RAPGEF6: variants seen among roughly 807,000 people sequenced by gnomAD.
The protein encoded by RAPGEF6 is PDZ domain containing guanine nucleotide exchange factor (GEF) 2.
In RAPGEF6, 56 loss-of-function variants were observed where a neutral mutation model predicts 171.4. The ratio of observed to expected loss-of-function variants is 0.33; its 90% CI spans 0.26 to 0.41. The LOEUF (loss-of-function observed/expected upper bound fraction) is 0.41. Among genes scored for constraint, RAPGEF6 ranks in the 10% least tolerant of loss-of-function variants. The pLI is 1.00. For missense variants in RAPGEF6, 1,674 were observed against 1,921.4 expected (o/e 0.87, Z 2.41); for synonymous variants, 692 against 650.1 (o/e 1.06, Z -0.98).
chr5:131,552,109 G>A (rs1049338310), intron 5 of RAPGEF6, among the ~76,000 whole-genome samples: 1 of 151,978 alleles, frequency 6.6e-6, no homozygotes, highest in African/African-American at 2.4e-5. Context: ...ATGTTTGTAG[G>A]GAGTGAAATA....
At chr5:131,623,049 T>C (rs1366391606) in intron 1 of RAPGEF6, among the ~76,000 whole-genome samples, 1 of 152,186 alleles carries the variant, frequency 6.6e-6, no homozygotes, top group East Asian at 1.9e-4. Context: ...TAACCAAAAA[T>C]ACCTAGTTCT....
Position 131,472,622 on chromosome 5 carries a change from G to C in RAPGEF6, c.2204C>G (p.Pro735Arg), listed in dbSNP as rs768955207. 6.2e-7 allele frequency: 1 copy of C among 1,614,102 alleles called. No homozygotes were observed. The highest frequency in any genetic ancestry group is 1.1e-5 in the South Asian group (1 of 91,080). The change falls in exon 17 of 28, where the codon CCT (proline) becomes CGT (arginine). Residue 735 changes from proline (P) to arginine (R), a missense_variant. Transcript: ENST00000509018. ...LSSSSPDLLQ[P>R]TTSMLDFSNP... ...GGAAAAATCCAACATACTGGTGGTA[G>C]GCTGCAGGAGATCAGGGCTGCTGGA... is the stretch of plus-strand genomic sequence containing the variant.
At chr5:131,623,291 T>C (rs1394669034) in intron 1 of RAPGEF6, among the ~76,000 whole-genome samples, 2 of 152,196 alleles carry the variant, frequency 1.3e-5, no homozygotes, top group Non-Finnish European at 2.9e-5. Context: ...TCCATCTGAA[T>C]TGTCTCTCAA....
intron 6 of RAPGEF6, among the ~76,000 whole-genome samples, chr5:131,527,869 G>C (rs1758996174): frequency 6.6e-6 from 1 of 151,088 alleles, no homozygotes; most frequent in Non-Finnish European, 1.5e-5. Flanking sequence ...CAAAAAATTA[G>C]CCGGGCATGG....
At chr5:131,582,952 G>C (rs1246571209) in intron 4 of RAPGEF6, among the ~76,000 whole-genome samples, 1 of 152,174 alleles carries the variant, frequency 6.6e-6, no homozygotes, top group Non-Finnish European at 1.5e-5. Flanking sequence ...ATGAAAGTAT[G>C]TATTCACATA....
chr5:131,438,724 T>A (rs896765246), intron 24 of RAPGEF6, among the ~76,000 whole-genome samples: 1 of 152,164 alleles, frequency 6.6e-6, no homozygotes, highest in Admixed American at 6.5e-5. Context: ...AATGCTCCAG[T>A]CTGAATTATG....
intron 6 of RAPGEF6, among the ~76,000 whole-genome samples, chr5:131,535,104 T>G (rs1395076026): frequency 6.6e-6 from 1 of 152,114 alleles, no homozygotes; most frequent in African/African-American, 2.4e-5. Flanking sequence ...GGAACAAAAT[T>G]CTCTTTTCCT....
rs1472501352 is a variant in RAPGEF6, at chr5:131,532,312, G to A, written c.496-10791C>T. 50 of 238,856 alleles carry A rather than the reference G, an allele frequency of 2.1e-4. No homozygotes were observed. In the Admixed American group the frequency reaches 2.7e-3, roughly 13 times the overall value. 14.8% of individuals were successfully genotyped at this position (238,856 alleles called of 1,614,324 possible). A position where few individuals can be genotyped will look rare whatever the true frequency, so the allele number is the denominator to read the frequency against. On this transcript the variant is annotated intron_variant, in intron 6 of 27. Coordinates refer to ENST00000509018, the MANE Select transcript of RAPGEF6 (RefSeq NM_016340.6). ...ACCCCTTTTAAAACTGAAATCAGGA[G>A]CTTTCAGTATTGTTCTAAATTAAAA...
At chr5:131,548,001 T>C (rs1760662195) in intron 6 of RAPGEF6, 46 bp downstream of exon 6, 2 of 1,583,480 alleles carry the variant, frequency 1.3e-6, no homozygotes, top group African/African-American at 2.7e-5. Context: ...AGATACTAGA[T>C]ATGAAAATTA....
chr5:131,435,836 T>A (rs1751974934), intron 24 of RAPGEF6: 6 of 1,419,808 alleles, frequency 4.2e-6, no homozygotes, highest in Non-Finnish European at 4.6e-6. Flanking sequence ...CAAGTGTTTA[T>A]AAATAGTATT....
intron 17 of RAPGEF6, among the ~76,000 whole-genome samples, chr5:131,471,678 CT>C (rs1205389749): frequency 1.3e-5 from 2 of 152,046 alleles, no homozygotes; most frequent in African/African-American, 4.8e-5. Context: ...AAGTTTTCTT[CT>C]TTGTAACAAA....
Position 131,619,843 on chromosome 5 carries a change from C to CA in RAPGEF6, c.69+15118dup, listed in dbSNP as rs779375436. 1.6e-4 allele frequency among the ~76,000 whole-genome samples: 25 copies of CA among 152,300 alleles called. No individual in the cohort carries two copies. In the East Asian group the frequency reaches 4.6e-3, roughly 28 times the overall value. ...CGATTATAAGCACAGACTATGAAAT[C>CA]AGACTGCCTAGGTTTGAATCCTGAC... On this transcript the variant is annotated intron_variant, in intron 1 of 27. Coordinates refer to ENST00000509018, the MANE Select transcript of RAPGEF6 (RefSeq NM_016340.6).
At chr5:131,575,359 C>T (rs780632160) in intron 4 of RAPGEF6, among the ~76,000 whole-genome samples, 2 of 152,170 alleles carry the variant, frequency 1.3e-5, no homozygotes, top group African/African-American at 2.4e-5. Context: ...TACGAATCTT[C>T]CCAACAGGAC....
At chr5:131,559,239 G>C (rs1761437522) in intron 5 of RAPGEF6, among the ~76,000 whole-genome samples, 1 of 152,120 alleles carries the variant, frequency 6.6e-6, no homozygotes, top group Non-Finnish European at 1.5e-5. Context: ...TGAGGCAGGA[G>C]AATCACTTAA....
intron 6 of RAPGEF6, among the ~76,000 whole-genome samples, chr5:131,524,667 G>A (rs184342217): frequency 6.6e-5 from 10 of 151,826 alleles, no homozygotes; most frequent in African/African-American, 2.4e-4. Context: ...CTACGCTGGA[G>A]TGCAGCGGCG....
chr5:131,523,817 C>T (rs1317454155), intron 6 of RAPGEF6, among the ~76,000 whole-genome samples: 1 of 83,436 alleles, frequency 1.2e-5, no homozygotes, highest in Non-Finnish European at 2.9e-5. Flanking sequence ...AACAAAAAAC[C>T]CACCCCAAAA....
intron 6 of RAPGEF6, among the ~76,000 whole-genome samples, chr5:131,541,505 T>C (rs1423448958): frequency 6.6e-6 from 1 of 152,124 alleles, no homozygotes; most frequent in Non-Finnish European, 1.5e-5. Flanking sequence ...AGATTCTTAA[T>C]TTTTCTTTTT....
intron 24 of RAPGEF6, chr5:131,436,108 T>C (rs1343304078): frequency 2.6e-6 from 4 of 1,538,032 alleles, no homozygotes; most frequent in South Asian, 1.2e-5. Flanking sequence ...TGTAGCTTGA[T>C]TGTGATCTGT....
At chr5:131,527,219 T>C (rs944835843) in intron 6 of RAPGEF6, among the ~76,000 whole-genome samples, 3 of 152,126 alleles carry the variant, frequency 2.0e-5, no homozygotes, top group African/African-American at 7.2e-5. Context: ...ATATCCAAAC[T>C]GTTTAGGTAT....
Sources: gnomAD v4.1 joint callset for allele counts (sites outside exome capture counted in the v4.1 genomes callset) on GRCh38, gnomAD v4.1.1 for gene constraint, MANE v1.5 for transcripts, NCBI Gene and HGNC (gene_info 2026-07-23, HGNC 2026-07-21) for gene names.